The following RAB10 variants were observed in gnomAD, a reference collection of about 807,000 sequenced individuals.
RAB10 encodes the protein RAB10, member RAS oncogene family, also known as ras-related protein Rab-10.
RAB10 carries 5 observed loss-of-function variants against 25.7 expected under a neutral mutation model. The ratio of observed to expected loss-of-function variants is 0.19; its 90% confidence interval spans 0.10 to 0.41. RAB10 has a LOEUF of 0.41. Ranked by LOEUF, RAB10 falls within the 10% of genes least tolerant of loss-of-function variation. The probability of loss-of-function intolerance (pLI) is 1.00; values close to 1 mark genes in which losing one functional copy is unlikely to be tolerated. For missense variants in RAB10, 103 were observed against 245.8 expected (o/e 0.42, Z 3.89); for synonymous variants, 89 against 86.4 (o/e 1.03, Z -0.16).
At chr2:26,073,271 A>G (rs912725730) in intron 1 of RAB10, among the ~76,000 whole-genome samples, 8 of 152,254 alleles carry the variant, frequency 5.3e-5, no homozygotes, top group African/African-American at 7.2e-5. Flanking sequence ...AGAAGGGGCT[A>G]TTAACCAGAG....
chr2:26,123,335 A>T (rs1667843236), intron 3 of RAB10, among the ~76,000 whole-genome samples: 1 of 152,220 alleles, frequency 6.6e-6, no homozygotes, highest in Admixed American at 6.5e-5. Context: ...TCAGGGGATC[A>T]TGAGGACCTT....
chr2:26,085,787 G>T (rs1006867869), intron 1 of RAB10, among the ~76,000 whole-genome samples: 5 of 149,786 alleles, frequency 3.3e-5, no homozygotes, highest in African/African-American at 9.8e-5. Context: ...ACCTGAGGTC[G>T]AGAGTTCGAG....
chr2:26,066,861 C>T (rs1666525759), intron 1 of RAB10, among the ~76,000 whole-genome samples: 1 of 150,868 alleles, frequency 6.6e-6, no homozygotes, highest in South Asian at 2.1e-4. Context: ...CGGCTCACTG[C>T]AGCCTCCACC....
rs1230627488 is a variant in RAB10, at chr2:26,041,543, C to CAAAA, written c.127+6828_127+6831dup. On this transcript the variant is annotated intron_variant, in intron 1 of 5. Coordinates refer to ENST00000264710, the MANE Select transcript of RAB10 (RefSeq NM_016131.5). ...GGGTGACAAGAGTGAGACGCTGACT[C>CAAAA]AAAAAAAAAAAAAAAAAAAAAAAGA... Among the ~76,000 whole-genome samples, 149 of 44,466 alleles carry CAAAA rather than the reference C, an allele frequency of 3.4e-3. 6 individuals are homozygous for CAAAA. Among genetic ancestry groups the CAAAA allele is most frequent in the African/African-American group, 0.011 (130 of 11,766 alleles). The allele number at this position is 44,466 out of a possible 152,430, so 29.2% of individuals were successfully genotyped here. A position where few individuals can be genotyped will look rare whatever the true frequency, so the allele number is the denominator to read the frequency against.
chr2:26,078,706 A>T (rs986520361), intron 1 of RAB10, among the ~76,000 whole-genome samples: 2 of 152,168 alleles, frequency 1.3e-5, no homozygotes, highest in South Asian at 2.1e-4. Context: ...TAGGTAGGGT[A>T]GATACGAAGA....
intron 1 of RAB10, among the ~76,000 whole-genome samples, chr2:26,084,326 C>A (rs1666933231): frequency 6.6e-6 from 1 of 152,192 alleles, no homozygotes. Flanking sequence ...GTTCCCCCAA[C>A]AGAAGGACTT....
intron 3 of RAB10, among the ~76,000 whole-genome samples, chr2:26,121,810 T>G (rs541064347): frequency 5.9e-5 from 9 of 152,338 alleles, no homozygotes; most frequent in African/African-American, 2.2e-4. Context: ...AACTAATACA[T>G]ACTGTACTAC....
chr2:26,127,362 A>C, intron 4 of RAB10, 129 bp downstream of exon 4: 1 of 715,722 alleles, frequency 1.4e-6, no homozygotes, highest in Non-Finnish European at 2.2e-6. Flanking sequence ...GCTTGTTGGA[A>C]ATAATATTTT....
intron 1 of RAB10, among the ~76,000 whole-genome samples, chr2:26,049,569 T>C (rs1245934092): frequency 6.6e-6 from 1 of 151,996 alleles, no homozygotes; most frequent in Non-Finnish European, 1.5e-5. Flanking sequence ...CCACCACGCC[T>C]GGCTAATTTT....
chr2:26,063,463 AAAGT>A (rs1350437645), intron 1 of RAB10, among the ~76,000 whole-genome samples: 5 of 152,316 alleles, frequency 3.3e-5, no homozygotes, highest in South Asian at 2.1e-4. Flanking sequence ...GAAAATTTGA[AAAGT>A]AAGCTACAGA....
intron 1 of RAB10, among the ~76,000 whole-genome samples, chr2:26,067,648 A>T (rs186311753): frequency 6.6e-6 from 1 of 152,182 alleles, no homozygotes; most frequent in Non-Finnish European, 1.5e-5. Context: ...AATTGTTTCA[A>T]ATTTGTAAAG....
At chr2:26,113,760 A>G (rs1263463013) in intron 3 of RAB10, among the ~76,000 whole-genome samples, 1 of 139,944 alleles carries the variant, frequency 7.1e-6, no homozygotes, top group Non-Finnish European at 1.6e-5. Flanking sequence ...AAAAAAAAAA[A>G]GAAAGAAAGA....
At chr2:26,080,390 GC>G (rs1445250585) in intron 1 of RAB10, among the ~76,000 whole-genome samples, 1 of 152,080 alleles carries the variant, frequency 6.6e-6, no homozygotes, top group Non-Finnish European at 1.5e-5. Flanking sequence ...AAATCAGTGG[GC>G]AAAAATATGA....
intron 1 of RAB10, among the ~76,000 whole-genome samples, chr2:26,045,900 G>T (rs1665992769): frequency 6.6e-6 from 1 of 152,132 alleles, no homozygotes; most frequent in Non-Finnish European, 1.5e-5. Context: ...GGATTACAAA[G>T]GATGTTGAGG....
At chr2:26,083,062 A>G (rs1666902114) in intron 1 of RAB10, among the ~76,000 whole-genome samples, 1 of 152,226 alleles carries the variant, frequency 6.6e-6, no homozygotes, top group Admixed American at 6.5e-5. Flanking sequence ...ATCTAGGAAC[A>G]GGAACATTTG....
intron 1 of RAB10, among the ~76,000 whole-genome samples, chr2:26,084,313 T>A (rs979891288): frequency 2.0e-5 from 3 of 152,130 alleles, no homozygotes; most frequent in Non-Finnish European, 4.4e-5. Flanking sequence ...TACCCTTTCA[T>A]AAGTTCCCCC....
At chr2:26,132,764 C>CT (rs796327607) in intron 5 of RAB10, among the ~76,000 whole-genome samples, 1 of 136,944 alleles carries the variant, frequency 7.3e-6, no homozygotes, top group Non-Finnish European at 1.6e-5. Context: ...AAGAGATACC[C>CT]CCCCCCCTTT....
At chr2:26,128,111 A>G (rs559668943) in intron 5 of RAB10, among the ~76,000 whole-genome samples, 160 bp downstream of exon 5, 6 of 152,292 alleles carry the variant, frequency 3.9e-5, no homozygotes, top group African/African-American at 1.4e-4. Context: ...GACTGGTTTC[A>G]TGGAAGATAA....
At chr2:26,034,840 C>T (rs894466488) in intron 1 of RAB10, 105 bp downstream of exon 1, 2 of 1,455,820 alleles carry the variant, frequency 1.4e-6, no homozygotes, top group Non-Finnish European at 1.9e-6. Context: ...TCAGTGATTC[C>T]GATTCCAAAC....
Sources: gnomAD v4.1 joint callset for allele counts (sites outside exome capture counted in the v4.1 genomes callset) on GRCh38, gnomAD v4.1.1 for gene constraint, MANE v1.5 for transcripts, NCBI Gene and HGNC (gene_info 2026-07-23, HGNC 2026-07-21) for gene names.